Variants in XRCC5 observed in about 807,000 individuals in gnomAD.
XRCC5 encodes the protein X-ray repair cross complementing 5, also known as DNA repair protein Ku80.
In XRCC5, 12 loss-of-function variants were observed where a neutral mutation model predicts 95.7. The ratio of observed to expected loss-of-function variants is 0.13; its 90% confidence interval spans 0.08 to 0.20. The LOEUF (loss-of-function observed/expected upper bound fraction) is 0.20, where lower values mean the gene tolerates loss of function less well. Among genes scored for constraint, XRCC5 ranks in the 10% least tolerant of loss-of-function variants. The pLI is 1.00. For synonymous variants in XRCC5, 281 were observed against 290.3 expected (o/e 0.97, Z 0.33); for missense variants, 595 against 873.9 (o/e 0.68, Z 4.02).
At chr2:216,159,813 C>T (rs910737242) in intron 14 of XRCC5, among the ~76,000 whole-genome samples, 2 of 152,208 alleles carry the variant, frequency 1.3e-5, no homozygotes, top group African/African-American at 4.8e-5. Context: ...TTCTGATTCT[C>T]ATACTGCTGT....
intron 6 of XRCC5, among the ~76,000 whole-genome samples, chr2:216,122,761 AAAAAACC>A (rs1198049245): frequency 2.0e-5 from 3 of 152,020 alleles, no homozygotes; most frequent in Non-Finnish European, 4.4e-5. Context: ...GTGAAAAAAA[AAAAAACC>A]TGCAATGTAA....
chr2:216,160,681 T>TAATG (rs909153517), intron 15 of XRCC5, among the ~76,000 whole-genome samples: 1 of 151,762 alleles, frequency 6.6e-6, no homozygotes, highest in Non-Finnish European at 1.5e-5. Context: ...ATTAATTAAT[T>TAATG]AATTAATTAA....
At chr2:216,132,047 C>T (rs1697004433) in intron 9 of XRCC5, among the ~76,000 whole-genome samples, 1 of 152,212 alleles carries the variant, frequency 6.6e-6, no homozygotes, top group African/African-American at 2.4e-5. Context: ...CATAATACTA[C>T]ACTGCAGTTA....
intron 16 of XRCC5, among the ~76,000 whole-genome samples, chr2:216,170,730 C>T (rs1689149454): frequency 6.6e-6 from 1 of 152,174 alleles, no homozygotes; most frequent in African/African-American, 2.4e-5. Context: ...GATGGAAATG[C>T]AGAACTCTTG....
intron 6 of XRCC5, among the ~76,000 whole-genome samples, chr2:216,124,939 ACT>A (rs1388575756): frequency 6.6e-6 from 1 of 152,170 alleles, no homozygotes. Flanking sequence ...ACTCCACAAC[ACT>A]GTTTGCACCT....
intron 16 of XRCC5, among the ~76,000 whole-genome samples, chr2:216,183,483 A>G (rs932575747): frequency 3.3e-5 from 5 of 152,146 alleles, no homozygotes; most frequent in Non-Finnish European, 5.9e-5. Context: ...TGAGGTTTTA[A>G]TTGAGTTTTT....
Position 216,140,247 on chromosome 2 carries a change from A to G in XRCC5, c.1343-939A>G, listed in dbSNP as rs1697151054. On this transcript the variant is annotated intron_variant, in intron 12 of 20. Transcript: ENST00000392132. Reference sequence around the variant, plus strand: ...CTTTTATTTTGTTGTAGCTGTACAAAAGGGATATTTGAAAAGGTGCAGAAT... The same window carrying G: ...CTTTTATTTTGTTGTAGCTGTACAAGAGGGATATTTGAAAAGGTGCAGAAT... Among the ~76,000 whole-genome samples, 3 of 152,364 alleles carry G rather than the reference A, an allele frequency of 2.0e-5. 1 individual carries two copies. Among genetic ancestry groups the G allele is most frequent in the South Asian group, 4.1e-4 (2 of 4,830 alleles).
intron 16 of XRCC5, among the ~76,000 whole-genome samples, chr2:216,187,768 G>T: frequency 7.3e-6 from 1 of 136,266 alleles, no homozygotes; most frequent in Admixed American, 8.0e-5. Context: ...CTTAGTATCT[G>T]TGATGCCATG....
At chr2:216,154,817 G>A (rs1234415548) in intron 14 of XRCC5, among the ~76,000 whole-genome samples, 2 of 151,948 alleles carry the variant, frequency 1.3e-5, no homozygotes, top group Admixed American at 1.3e-4. Context: ...TGCTCTAATG[G>A]CCTCCCATTA....
At chr2:216,161,194 T>G (rs1370676457) in intron 15 of XRCC5, among the ~76,000 whole-genome samples, 1 of 152,188 alleles carries the variant, frequency 6.6e-6, no homozygotes, top group African/African-American at 2.4e-5. Flanking sequence ...TATATAATAG[T>G]AAAGGAAAAA....
chr2:216,123,803 C>T (rs1400541491), intron 6 of XRCC5, among the ~76,000 whole-genome samples: 1 of 152,062 alleles, frequency 6.6e-6, no homozygotes, highest in African/African-American at 2.4e-5. Context: ...GAGACTCCGT[C>T]TCAAAAAGAA....
At chr2:216,197,485 T>G (rs1485672016) in intron 19 of XRCC5, among the ~76,000 whole-genome samples, 1 of 150,278 alleles carries the variant, frequency 6.7e-6, no homozygotes, top group Non-Finnish European at 1.5e-5. Context: ...TCTCAAAACT[T>G]CACCATCTTT....
At chr2:216,192,797 C>A in intron 18 of XRCC5, 62 bp downstream of exon 18, 4 of 1,079,914 alleles carry the variant, frequency 3.7e-6, no homozygotes, top group East Asian at 2.8e-5. Context: ...CTATTTTATT[C>A]TAAATATACA....
chr2:216,200,146 G>A (rs568624767), intron 19 of XRCC5, among the ~76,000 whole-genome samples: 90 of 152,140 alleles, frequency 5.9e-4, no homozygotes, highest in African/African-American at 1.9e-3. Flanking sequence ...CGCTGTAGTC[G>A]CCTTATCACC....
intron 5 of XRCC5, among the ~76,000 whole-genome samples, chr2:216,121,719 C>G (rs1179310473): frequency 6.6e-6 from 1 of 152,174 alleles, no homozygotes; most frequent in East Asian, 1.9e-4. Context: ...AGAGGCCAGT[C>G]GGAGAGAGTG....
chr2:216,204,601 G>A (rs952509422), intron 20 of XRCC5, among the ~76,000 whole-genome samples: 1 of 152,080 alleles, frequency 6.6e-6, no homozygotes, highest in Non-Finnish European at 1.5e-5. Flanking sequence ...GTGTTTCATG[G>A]TGTCGGCTAT....
chr2:216,173,204 T>C (rs1689204037), intron 16 of XRCC5, among the ~76,000 whole-genome samples: 1 of 152,158 alleles, frequency 6.6e-6, no homozygotes, highest in African/African-American at 2.4e-5. Flanking sequence ...TTATAACTTG[T>C]AAGTTTTTCT....
At chr2:216,173,870 C>T (rs1265710730) in intron 16 of XRCC5, among the ~76,000 whole-genome samples, 2 of 152,188 alleles carry the variant, frequency 1.3e-5, no homozygotes, top group African/African-American at 4.8e-5. Flanking sequence ...ACTTCCCAGC[C>T]TCCAGAACTG....
intron 13 of XRCC5, 144 bp from the exon 14 acceptor site, chr2:216,147,939 A>T: frequency 1.2e-6 from 1 of 853,750 alleles, no homozygotes; most frequent in Non-Finnish European, 1.8e-6. Flanking sequence ...AGGTGGTTCT[A>T]GGTGAATCCT....
Sources: allele counts gnomAD v4.1 joint callset (sites outside exome capture counted in the v4.1 genomes callset), GRCh38; gene constraint gnomAD v4.1.1; transcripts MANE v1.5; gene names NCBI Gene and HGNC (gene_info 2026-07-23, HGNC 2026-07-21).